Variants in EXOC6 observed in about 807,000 individuals in gnomAD.
EXOC6 encodes the protein exocyst complex component 6.
Under a neutral mutation model 112.5 loss-of-function variants are expected in EXOC6, and 60 were observed. That is an observed-to-expected ratio of 0.53 (90% confidence interval 0.43 to 0.66). The LOEUF (loss-of-function observed/expected upper bound fraction) is 0.66. Ranked by LOEUF, EXOC6 falls within the 30% of genes least tolerant of loss-of-function variation. The pLI is 0.00. For synonymous variants in EXOC6, 295 were observed against 308.0 expected (o/e 0.96, Z 0.44); for missense variants, 855 against 957.1 (o/e 0.89, Z 1.41).
intron 13 of EXOC6, among the ~76,000 whole-genome samples, chr10:92,947,431 G>T (rs1346782663): frequency 6.6e-6 from 1 of 152,210 alleles, no homozygotes; most frequent in Non-Finnish European, 1.5e-5. Flanking sequence ...GTACAGAAGA[G>T]CACATGGATA....
chr10:92,967,102 T>C (rs2134062333), intron 17 of EXOC6, among the ~76,000 whole-genome samples: 1 of 151,922 alleles, frequency 6.6e-6, no homozygotes, highest in South Asian at 2.1e-4. Flanking sequence ...GAGAAGTGTC[T>C]GGTCATATCC....
intron 1 of EXOC6, among the ~76,000 whole-genome samples, chr10:92,827,246 G>T (rs913321390): frequency 1.3e-5 from 2 of 151,600 alleles, no homozygotes; most frequent in Non-Finnish European, 1.5e-5. Context: ...GGCTGAGGTG[G>T]GCAGATCGCT....
intron 7 of EXOC6, among the ~76,000 whole-genome samples, chr10:92,916,536 A>C (rs959339339): frequency 2.0e-5 from 3 of 152,120 alleles, no homozygotes; most frequent in African/African-American, 4.8e-5. Context: ...ACAAACAACT[A>C]TCTTACAAGG....
At chr10:92,911,298 A>G (rs1479359959) in intron 6 of EXOC6, among the ~76,000 whole-genome samples, 2 of 152,120 alleles carry the variant, frequency 1.3e-5, no homozygotes, top group South Asian at 2.1e-4. Flanking sequence ...GGTCTTCCCC[A>G]TTATAGAGCT....
chr10:92,935,766 GT>G (rs776764414), intron 11 of EXOC6, 47 bp from the exon 12 acceptor site: 1 of 1,227,378 alleles, frequency 8.1e-7, no homozygotes, highest in East Asian at 2.3e-5. Context: ...TATGACTCTG[GT>G]TTGTTGTTGT....
chr10:92,894,734 A>T, intron 2 of EXOC6, 60 bp from the exon 3 acceptor site: 1 of 1,285,880 alleles, frequency 7.8e-7, no homozygotes, highest in South Asian at 1.2e-5. Context: ...AAGGGTGAGC[A>T]GTTACATCAG....
At chr10:92,974,715 G>A (rs1185802373) in intron 18 of EXOC6, among the ~76,000 whole-genome samples, 2 of 152,188 alleles carry the variant, frequency 1.3e-5, no homozygotes, top group African/African-American at 2.4e-5. Context: ...GCAGGCGCAC[G>A]CCACCACGCC....
Position 92,974,112 on chromosome 10 carries a change from A to C in EXOC6, c.1833A>C (p.Glu611Asp), listed in dbSNP as rs766421478. 6 of 1,604,962 alleles carry C rather than the reference A, an allele frequency of 3.7e-6. No homozygotes were observed. The highest frequency in any genetic ancestry group is 1.7e-4 in the Middle Eastern group (1 of 6,046). ...IYTKLNQKID[E>D]FVQLADYDWT... ...CCAAACTGAATCAAAAAATTGATGA[A>C]TTTGTTCAGCTTGCTGATTATGACT... The change falls in exon 18 of 22, where the codon GAA (glutamate) becomes GAC (aspartate). Residue 611 changes from glutamate (E) to aspartate (D), a missense_variant. This residue lies in a region of EXOC6 where 450 missense variants were observed against 563.5 expected (regional missense o/e 0.80). Coordinates refer to ENST00000260762, the MANE Select transcript of EXOC6 (RefSeq NM_019053.6).
intron 8 of EXOC6, among the ~76,000 whole-genome samples, chr10:92,920,534 A>G (rs1251747345): frequency 3.3e-5 from 5 of 151,966 alleles, no homozygotes; most frequent in South Asian, 2.1e-4. Flanking sequence ...CACCCCTCCA[A>G]CCACCCCCAA....
chr10:93,044,516 T>C (rs1197883568), intron 20 of EXOC6, among the ~76,000 whole-genome samples: 1 of 152,124 alleles, frequency 6.6e-6, no homozygotes, highest in Non-Finnish European at 1.5e-5. Context: ...AGACTAAGTA[T>C]GGTAATCCAA....
chr10:93,051,035 T>G (rs1247402209), intron 20 of EXOC6, among the ~76,000 whole-genome samples: 1 of 152,116 alleles, frequency 6.6e-6, no homozygotes. Flanking sequence ...TAAATTCACA[T>G]GTATGTATCT....
At chr10:92,886,055 A>T (rs1248661290) in intron 1 of EXOC6, among the ~76,000 whole-genome samples, 1 of 152,192 alleles carries the variant, frequency 6.6e-6, no homozygotes, top group Admixed American at 6.5e-5. Flanking sequence ...AGACTGAAAG[A>T]ACGAAAAATT....
chr10:92,975,178 C>T (rs185069019), intron 18 of EXOC6, among the ~76,000 whole-genome samples: 1,732 of 151,610 alleles, frequency 0.011, 18 homozygotes, highest in Non-Finnish European at 0.016. Flanking sequence ...TCTGCCTGGC[C>T]GCCCATCGTC....
chr10:92,985,665 T>A (rs1739147981), intron 18 of EXOC6, among the ~76,000 whole-genome samples: 1 of 152,144 alleles, frequency 6.6e-6, no homozygotes, highest in African/African-American at 2.4e-5. Context: ...AAATGTAACG[T>A]TTCAATCCAA....
Position 92,896,141 on chromosome 10 carries a change from G to GTGTATA in EXOC6, c.412+1122_412+1123insGTATAT, listed in dbSNP as rs1401955770. On this transcript the variant is annotated intron_variant, in intron 4 of 21. Transcript: ENST00000260762. Reference sequence around the variant, plus strand: ...TATATGTGTGTGTGTGTGTGTGTATGTATGTGTATATATATATATATATAT... The same window carrying GTGTATA: ...TATATGTGTGTGTGTGTGTGTGTATGTGTATATATGTGTATATATATATATATATAT... Among the ~76,000 whole-genome samples the GTGTATA allele has an allele frequency of 5.6e-4, 19 of 33,664 alleles. 1 individual carries two copies. Among genetic ancestry groups the GTGTATA allele is most frequent in the Non-Finnish European group, 7.2e-4 (15 of 20,860 alleles). The allele number at this position is 33,664 out of a possible 152,430, so 22.1% of individuals were successfully genotyped here.
chr10:92,832,285 C>CT (rs796317905), upstream of EXOC6, among the ~76,000 whole-genome samples: 2 of 151,240 alleles, frequency 1.3e-5, no homozygotes, highest in South Asian at 2.1e-4. Context: ...GGTGTATACT[C>CT]TTTTTTTTTG....
intron 14 of EXOC6, among the ~76,000 whole-genome samples, chr10:92,951,130 T>C (rs1465991655): frequency 6.6e-6 from 1 of 152,192 alleles, no homozygotes; most frequent in African/African-American, 2.4e-5. Context: ...TTTGGATCTA[T>C]TGAGTAACTC....
chr10:92,908,770 C>T (rs917517732), intron 5 of EXOC6, among the ~76,000 whole-genome samples: 18 of 152,132 alleles, frequency 1.2e-4, no homozygotes, highest in Non-Finnish European at 2.6e-4. Context: ...GCAAAGGCTA[C>T]ACTTTACTAA....
intron 1 of EXOC6, among the ~76,000 whole-genome samples, chr10:92,837,754 GC>G (rs1418841566): frequency 6.6e-6 from 1 of 152,200 alleles, no homozygotes; most frequent in Non-Finnish European, 1.5e-5. Flanking sequence ...GCAGCTGAAG[GC>G]CCTGCCTTGA....
Sources: gnomAD v4.1 joint callset for allele counts (sites outside exome capture counted in the v4.1 genomes callset) on GRCh38, gnomAD v4.1.1 for gene constraint, gnomAD v4.1.1 regional missense constraint, MANE v1.5 for transcripts, NCBI Gene and HGNC (gene_info 2026-07-23, HGNC 2026-07-21) for gene names.